Variants in FRMD6 observed in about 807,000 individuals in gnomAD.
The protein encoded by FRMD6 is FERM domain containing 6.
FRMD6 carries 37 observed loss-of-function variants against 73.2 expected under a neutral mutation model. The observed-to-expected ratio is 0.51, with a 90% CI of 0.39 to 0.66. FRMD6 has a LOEUF of 0.66. Ranked by LOEUF, FRMD6 falls within the 30% of genes least tolerant of loss-of-function variation. FRMD6 has a pLI of 0.00. For missense variants in FRMD6, 714 were observed against 780.5 expected, an observed-to-expected ratio of 0.91 and a Z score of 1.02; for synonymous variants, 273 against 282.2, an observed-to-expected ratio of 0.97 and a Z score of 0.33.
At chr14:51,661,761 G>A (rs923818268) in intron 1 of FRMD6, among the ~76,000 whole-genome samples, 2 of 152,226 alleles carry the variant, frequency 1.3e-5, no homozygotes, top group African/African-American at 4.8e-5. Context: ...CACTGGAGAA[G>A]TGGAGATGAA....
At chr14:51,698,088 C>G in intron 2 of FRMD6, 54 bp from the exon 3 acceptor site, 2 of 1,325,736 alleles carry the variant, frequency 1.5e-6, no homozygotes, top group East Asian at 4.6e-5. Flanking sequence ...ATTGTGGCTC[C>G]CTGGGTGGAC....
intron 3 of FRMD6, among the ~76,000 whole-genome samples, chr14:51,699,205 A>G (rs1300726730): frequency 6.6e-6 from 1 of 152,114 alleles, no homozygotes; most frequent in Non-Finnish European, 1.5e-5. Flanking sequence ...AGCATGGAGC[A>G]GGGAACACAT....
At chr14:51,650,835 C>A (rs1355328686), upstream of FRMD6, 1 of 152,300 alleles carries the variant, frequency 6.6e-6, no homozygotes, top group Non-Finnish European at 1.5e-5. Flanking sequence ...TCAGTGAGGG[C>A]GTTTTTGCCA....
intron 2 of FRMD6, among the ~76,000 whole-genome samples, chr14:51,594,603 A>T (rs919511848): frequency 4.6e-5 from 7 of 152,136 alleles, no homozygotes; most frequent in African/African-American, 1.7e-4. Flanking sequence ...TGCTGAGATT[A>T]CAGGTGTGAG....
intron 1 of FRMD6, among the ~76,000 whole-genome samples, chr14:51,513,452 A>T (rs1884432264): frequency 6.6e-6 from 1 of 152,198 alleles, no homozygotes; most frequent in Non-Finnish European, 1.5e-5. Context: ...CGGCCGAGCC[A>T]TTGACAGCTA....
chr14:51,689,971 G>T, intron 2 of FRMD6, 36 bp downstream of exon 2: 1 of 1,353,682 alleles, frequency 7.4e-7, no homozygotes, highest in South Asian at 1.2e-5. Flanking sequence ...TCTAAATATT[G>T]TGTTTTCACC....
chr14:51,709,380 T>G (rs749012724), intron 7 of FRMD6, among the ~76,000 whole-genome samples: 6 of 152,196 alleles, frequency 3.9e-5, no homozygotes, highest in Non-Finnish European at 7.4e-5. Flanking sequence ...ATGTTAAGCA[T>G]GATGTTAAGT....
At chr14:51,483,568 G>A in the FRMD6 span, among the ~76,000 whole-genome samples, 1 of 152,210 alleles carries the variant, frequency 6.6e-6, no homozygotes, top group Admixed American at 6.5e-5. Flanking sequence ...AATGGTACCC[G>A]TGGCTGAAAT....
chr14:51,411,504 GA>G, the FRMD6 span, among the ~76,000 whole-genome samples: 9 of 152,168 alleles, frequency 5.9e-5, no homozygotes, highest in African/African-American at 2.2e-4. Flanking sequence ...CTCCCTTGGG[GA>G]ACCTCCCCCT....
At chr14:51,706,107 T>C (rs541934303) in intron 6 of FRMD6, among the ~76,000 whole-genome samples, 1 of 152,204 alleles carries the variant, frequency 6.6e-6, no homozygotes, top group Admixed American at 6.5e-5. Context: ...TACGTGGGAG[T>C]CATACGGAAC....
rs189627662 is a variant in FRMD6, at chr14:51,680,517, A to T, written c.-146-9174A>T. On this transcript the variant is annotated intron_variant, in intron 1 of 13. Coordinates refer to ENST00000344768, the MANE Select transcript of FRMD6 (RefSeq NM_001267046.2). ...ATTTAGAAATGGTGTTGAGAGACAA[A>T]TATGTATGAACTACACTTTAACAAG... Among the ~76,000 whole-genome samples the T allele has an allele frequency of 2.6e-4, 40 of 152,314 alleles. 1 individual carries two copies. Among genetic ancestry groups the T allele is most frequent in the Admixed American group, 9.8e-4 (15 of 15,286 alleles).
intron 1 of FRMD6, among the ~76,000 whole-genome samples, chr14:51,547,242 A>G (rs1886522246): frequency 6.6e-6 from 1 of 152,216 alleles, no homozygotes; most frequent in African/African-American, 2.4e-5. Context: ...AATAAAAAGC[A>G]CAAAACCCTC....
At chr14:51,680,399 G>A (rs921828674) in intron 1 of FRMD6, among the ~76,000 whole-genome samples, 2 of 152,110 alleles carry the variant, frequency 1.3e-5, no homozygotes, top group African/African-American at 4.8e-5. Context: ...GTACAGTTTA[G>A]CATTTAATTT....
chr14:51,600,103 T>C (rs1047731610), intron 2 of FRMD6, among the ~76,000 whole-genome samples: 1 of 151,912 alleles, frequency 6.6e-6, no homozygotes, highest in African/African-American at 2.4e-5. Flanking sequence ...TCTAATTTTT[T>C]TAAAATTACA....
At position 51,642,593 on chromosome 14, in the gene FRMD6, C is replaced by T. The variant is rs147546156; in HGVS notation, c.-146-47098C>T. On this transcript the variant is annotated intron_variant, in intron 2 of 14. Transcript: ENST00000356218. ...GAGGCTAGAGACTAAGAACAAACTT[C>T]CAAAGCTTGATTACTTTACCTGGAA... Among the ~76,000 whole-genome samples, 394 of 152,272 alleles carry T rather than the reference C, an allele frequency of 2.6e-3. 4 individuals carry two copies. Among genetic ancestry groups the T allele is most frequent in the Admixed American group, 5.2e-3 (79 of 15,298 alleles).
At chr14:51,472,201 G>A in the FRMD6 span, among the ~76,000 whole-genome samples, 1 of 152,108 alleles carries the variant, frequency 6.6e-6, no homozygotes, top group Non-Finnish European at 1.5e-5. Context: ...AGGTTAAAGA[G>A]CTACACCAAG....
chr14:51,541,989 A>G (rs777312106), intron 1 of FRMD6, among the ~76,000 whole-genome samples: 1 of 152,022 alleles, frequency 6.6e-6, no homozygotes, highest in Non-Finnish European at 1.5e-5. Flanking sequence ...GAAACAGTAC[A>G]CCAATGTTTC....
At position 51,516,931 on chromosome 14, in the gene FRMD6, A is replaced by G. The variant is rs112054032; in HGVS notation, c.-210+27511A>G. Among the ~76,000 whole-genome samples the G allele has an allele frequency of 6.6e-5, 10 of 152,324 alleles. 1 individual carries two copies. The highest frequency in any genetic ancestry group is 2.2e-4 in the African/African-American group (9 of 41,586). On this transcript the variant is annotated intron_variant, in intron 1 of 14. Coordinates refer to the FRMD6 transcript ENST00000356218. ...ATCTGATGCCAATCTTTGAGTCAAGAGATGGTGACTTTAATCTAGAACTTT... is the reference window on the plus strand; with the variant it reads ...ATCTGATGCCAATCTTTGAGTCAAGGGATGGTGACTTTAATCTAGAACTTT...
the FRMD6 span, among the ~76,000 whole-genome samples, chr14:51,431,050 C>T: frequency 6.6e-6 from 1 of 152,178 alleles, no homozygotes; most frequent in Admixed American, 6.5e-5. Context: ...TTTAAAGTCT[C>T]TCTGTTTTTA....
Sources: gnomAD v4.1 joint callset for allele counts (sites outside exome capture counted in the v4.1 genomes callset) on GRCh38, gnomAD v4.1.1 for gene constraint, MANE v1.5 for transcripts, NCBI Gene and HGNC (gene_info 2026-07-23, HGNC 2026-07-21) for gene names.